Variants in IL1RAPL1 observed in about 807,000 individuals in gnomAD.
The protein encoded by IL1RAPL1 is interleukin 1 receptor accessory protein like 1, also known as interleukin-1 receptor accessory protein-like 1.
IL1RAPL1 carries 3 observed loss-of-function variants against 48.4 expected under a neutral mutation model. The observed-to-expected ratio is 0.06, with a 90% CI of 0.03 to 0.16. The LOEUF (loss-of-function observed/expected upper bound fraction) is 0.16, where lower values mean the gene tolerates loss of function less well. Among genes scored for constraint, IL1RAPL1 ranks in the 10% least tolerant of loss-of-function variants. The pLI, the probability that IL1RAPL1 is intolerant of heterozygous loss-of-function variation, is 1.00. For missense variants in IL1RAPL1, 349 were observed against 530.6 expected (o/e 0.66, Z 3.36); for synonymous variants, 185 against 187.7 (o/e 0.99, Z 0.12).
chrX:28,889,137 A>G (rs1175345677), intron 2 of IL1RAPL1, among the ~76,000 whole-genome samples: 2 of 111,560 alleles, frequency 1.8e-5, no homozygotes, highest in African/African-American at 6.5e-5. Flanking sequence ...GATGATATAA[A>G]ATACTATACT....
At chrX:28,876,039 C>T (rs2147311497) in intron 2 of IL1RAPL1, among the ~76,000 whole-genome samples, 1 of 111,943 alleles carries the variant, frequency 8.9e-6, no homozygotes, top group East Asian at 2.8e-4. Context: ...TGAATGGAAG[C>T]TCCCTGAAGC....
At chrX:29,140,871 G>C (rs1929229424) in intron 2 of IL1RAPL1, among the ~76,000 whole-genome samples, 1 of 111,066 alleles carries the variant, frequency 9.0e-6, no homozygotes, top group African/African-American at 3.3e-5. Flanking sequence ...CTAATTACCT[G>C]CTAAACACCC....
intron 2 of IL1RAPL1, among the ~76,000 whole-genome samples, chrX:29,187,722 A>G (rs1930278854): frequency 9.0e-6 from 1 of 111,670 alleles, no homozygotes; most frequent in African/African-American, 3.3e-5. Flanking sequence ...TTTCATTTAC[A>G]CAAATGTATT....
intron 1 of IL1RAPL1, among the ~76,000 whole-genome samples, chrX:28,658,536 C>CTTT (rs763460152): frequency 2.9e-5 from 3 of 102,030 alleles, no homozygotes; most frequent in Non-Finnish European, 6.0e-5. Context: ...TAGTTTTTGT[C>CTTT]TTTTTTTTTT....
intron 2 of IL1RAPL1, among the ~76,000 whole-genome samples, chrX:28,986,542 A>G (rs1349998423): frequency 8.9e-6 from 1 of 112,051 alleles, no homozygotes; most frequent in African/African-American, 3.2e-5. Flanking sequence ...ATAAAAATAT[A>G]TTTATCAGTG....
At chrX:28,602,764 T>G (rs1934041934) in intron 1 of IL1RAPL1, among the ~76,000 whole-genome samples, 1 of 111,749 alleles carries the variant, frequency 8.9e-6, no homozygotes, top group Admixed American at 9.5e-5. Context: ...TAGCCCAATC[T>G]TATTATTTTT....
At chrX:29,331,034 G>GCACA (rs978292714) in intron 3 of IL1RAPL1, among the ~76,000 whole-genome samples, 1 of 110,667 alleles carries the variant, frequency 9.0e-6, no homozygotes, top group African/African-American at 3.3e-5. Context: ...GGGTGTGGTG[G>GCACA]CACACGCTTG....
intron 3 of IL1RAPL1, among the ~76,000 whole-genome samples, chrX:29,300,911 C>G (rs762101302): frequency 1.8e-5 from 2 of 111,219 alleles, no homozygotes; most frequent in African/African-American, 3.3e-5. Context: ...AATCGCCCCC[C>G]CTGGAGGAAA....
intron 5 of IL1RAPL1, among the ~76,000 whole-genome samples, chrX:29,493,326 T>C (rs1935178780): frequency 8.9e-6 from 1 of 112,368 alleles, no homozygotes; most frequent in Admixed American, 9.4e-5. Context: ...TGGAGAACTT[T>C]TAGAAATTCA....
At chrX:29,366,221 A>G (rs1033409426) in intron 3 of IL1RAPL1, among the ~76,000 whole-genome samples, 7 of 110,877 alleles carry the variant, frequency 6.3e-5, no homozygotes, top group African/African-American at 2.3e-4. Context: ...GGGTTGATCA[A>G]ATATTAAGAA....
At chrX:29,458,913 G>A (rs1934771640) in intron 5 of IL1RAPL1, among the ~76,000 whole-genome samples, 1 of 111,668 alleles carries the variant, frequency 9.0e-6, no homozygotes, top group African/African-American at 3.3e-5. Context: ...TATGGGTCAT[G>A]TGGTTTCTGT....
At chrX:29,374,564 G>T (rs10218105) in intron 3 of IL1RAPL1, among the ~76,000 whole-genome samples, 2 of 109,872 alleles carry the variant, frequency 1.8e-5, no homozygotes, top group Admixed American at 2.0e-4. Flanking sequence ...CAAAGACAGA[G>T]AATTAACATT....
intron 2 of IL1RAPL1, among the ~76,000 whole-genome samples, chrX:28,855,024 ATTTG>A (rs199540942): frequency 0.11 from 11,967 of 110,434 alleles, 537 homozygotes; most frequent in Middle Eastern, 0.28. Context: ...TTGTTTGTTT[ATTTG>A]TTTGTTTTTG....
intron 6 of IL1RAPL1, among the ~76,000 whole-genome samples, chrX:29,682,495 C>G (rs1297349673): frequency 8.9e-6 from 1 of 111,827 alleles, no homozygotes. Flanking sequence ...TCTACTCCCA[C>G]TAGGCAGAAT....
intron 8 of IL1RAPL1, among the ~76,000 whole-genome samples, chrX:29,929,625 C>A (rs1483441360): frequency 9.0e-6 from 1 of 111,424 alleles, no homozygotes; most frequent in African/African-American, 3.3e-5. Context: ...GTAGAAATTA[C>A]AATTCCTTAC....
intron 2 of IL1RAPL1, among the ~76,000 whole-genome samples, chrX:28,893,288 C>CT (rs1275144006): frequency 1.8e-5 from 2 of 111,410 alleles, no homozygotes; most frequent in African/African-American, 6.5e-5. Flanking sequence ...TTGTCCAGTC[C>CT]TTTTTAAGTT....
chrX:29,707,609 A>G (rs2147118853), intron 6 of IL1RAPL1, among the ~76,000 whole-genome samples: 1 of 112,397 alleles, frequency 8.9e-6, no homozygotes, highest in African/African-American at 3.2e-5. Context: ...TCAGCTCTAA[A>G]AAGGAATGAA....
At chrX:28,815,841 A>ATGTGTGTGTGTG (rs1331794644) in intron 2 of IL1RAPL1, among the ~76,000 whole-genome samples, 6 of 21,097 alleles carry the variant, frequency 2.8e-4, no homozygotes, top group African/African-American at 1.4e-3. Flanking sequence ...GTGTTTATGT[A>ATGTGTGTGTGTG]TATATATATA....
intron 2 of IL1RAPL1, among the ~76,000 whole-genome samples, chrX:28,821,916 G>T (rs973361710): frequency 9.0e-6 from 1 of 111,322 alleles, no homozygotes; most frequent in Non-Finnish European, 1.9e-5. Flanking sequence ...CAGACACAGG[G>T]TCGGCTTTAA....
Sources: allele counts gnomAD v4.1 joint callset (sites outside exome capture counted in the v4.1 genomes callset), GRCh38; gene constraint gnomAD v4.1.1; transcripts MANE v1.5; gene names NCBI Gene and HGNC (gene_info 2026-07-23, HGNC 2026-07-21).